CMYA5: variants seen among roughly 807,000 people sequenced by gnomAD.
CMYA5 encodes cardiomyopathy associated 5.
A neutral mutation model predicts 318.9 loss-of-function variants in CMYA5; 246 were observed. The ratio of observed to expected loss-of-function variants is 0.77; its 90% confidence interval spans 0.70 to 0.86. The LOEUF (loss-of-function observed/expected upper bound fraction) is 0.86, where lower values mean the gene tolerates loss of function less well. Ranked by LOEUF, CMYA5 falls within the 40% of genes least tolerant of loss-of-function variation. The pLI is 0.00. For missense variants in CMYA5, 4,589 were observed against 4,678.2 expected (o/e 0.98, Z 0.56); for synonymous variants, 1,641 against 1,729.5 (o/e 0.95, Z 1.27).
At chr5:79,770,234 T>C (rs1828828916) in intron 9 of CMYA5, among the ~76,000 whole-genome samples, 1 of 152,222 alleles carries the variant, frequency 6.6e-6, no homozygotes, top group South Asian at 2.1e-4. Flanking sequence ...CTTAGCTTGC[T>C]GGGCTCCTTG....
Position 79,730,551 on chromosome 5 carries a change from T to A in CMYA5, c.1786T>A (p.Ser596Thr), listed in dbSNP as rs1199949622. 8.7e-6 allele frequency: 14 copies of A among 1,613,980 alleles called. No individual in the cohort carries two copies. Among genetic ancestry groups the A allele is most frequent in the Non-Finnish European group, 1.2e-5 (14 of 1,179,882 alleles). Residue 596 changes from serine to threonine, a missense_variant, in exon 2 of 13, where the codon TCA becomes ACA. Physicochemically the swap from Ser to Thr is moderately conservative, Grantham distance 58 (BLOSUM62 1). This residue lies in a region of CMYA5 where 2,132 missense variants were observed against 2,131.3 expected (regional missense o/e 1.00). Transcript: ENST00000446378. ...TGTTTCTACTGGTTCTGCTTTTGTA[T>A]CAGAGTATTCAGTACCACAGGATTT... ...ASVSTGSAFVSEYSVPQDLNH... is the reference protein window; with the variant it reads ...ASVSTGSAFVTEYSVPQDLNH...
chr5:79,745,151 T>G (rs897741332), intron 3 of CMYA5, 71 bp from the exon 4 acceptor site: 1 of 959,356 alleles, frequency 1.0e-6, no homozygotes, highest in African/African-American at 1.9e-5. Context: ...AGGCTGGTGT[T>G]TCCAAAAAAA....
In CMYA5 at chr5:79,738,959, A is replaced by T; in HGVS notation, c.10194A>T (p.Glu3398Asp). Residue 3398 changes from glutamate to aspartate, a missense_variant, in exon 2 of 13, where the codon GAA becomes GAT. Physicochemically the swap from Glu to Asp is conservative, Grantham distance 45. Around this residue, in one of 3 missense-constraint regions of CMYA5, gnomAD observed 2,431 missense variants for 2,495.1 expected, o/e 0.97. Transcript: ENST00000446378. The part of the protein sequence containing the change: ...ATHVQETSLE[E>D]PKILVPPEPS... The stretch of plus-strand genomic sequence containing the variant: ...ATGTTCAAGAAACATCACTAGAAGA[A>T]CCTAAAATCCTGGTCCCACCTGAGC... 1 of 1,613,836 alleles carries T rather than the reference A, an allele frequency of 6.2e-7. No individual in the cohort carries two copies. Among genetic ancestry groups the T allele is most frequent in the East Asian group, 2.2e-5 (1 of 44,872 alleles).
In CMYA5 at chr5:79,739,007, T is replaced by C. The variant is rs1349245584; in HGVS notation, c.10242T>C (p.Asn3414=). The change falls in exon 2 of 13, where the codon AAT becomes AAC. Residue 3414 remains asparagine, a synonymous_variant. Transcript: ENST00000446378. ...PPEPSEERLR[N]SPVQDEYEFT... ...AGCCAAGTGAAGAGAGGCTCCGTAA[T>C]AGCCCTGTTCAGGATGAGTATGAAT... The C allele has an allele frequency of 3.1e-6, 5 of 1,613,878 alleles. No individual in the cohort carries two copies. The Admixed American group carries it at 6.7e-5, about 22-fold the overall frequency.
Position 79,738,807 on chromosome 5 carries a change from G to A in CMYA5, c.10042G>A (p.Val3348Ile). Residue 3348 changes from valine to isoleucine, a missense_variant, in exon 2 of 13, where the codon GTT becomes ATT. Transcript: ENST00000446378. ...GGTTCCATTTGAAGACACCCATCAT[G>A]TTCTGGAGCGTGCAGATGAAGCAGG... Reference protein sequence around the residue: ...YAVPFEDTHHVLERADEAGSH... With the variant: ...YAVPFEDTHHILERADEAGSH... The A allele has an allele frequency of 6.2e-7, 1 of 1,613,902 alleles. No homozygotes were observed. Among genetic ancestry groups the A allele is most frequent in the Non-Finnish European group, 8.5e-7 (1 of 1,179,848 alleles).
chr5:79,785,454 G>A (rs1329923788), intron 9 of CMYA5, among the ~76,000 whole-genome samples: 2 of 151,900 alleles, frequency 1.3e-5, no homozygotes, highest in East Asian at 3.9e-4. Flanking sequence ...CTTCACTCAA[G>A]TCTTTTTTTG....
chr5:79,710,176 A>G (rs1827362648), intron 1 of CMYA5, among the ~76,000 whole-genome samples: 1 of 152,114 alleles, frequency 6.6e-6, no homozygotes, highest in East Asian at 1.9e-4. Context: ...AAAGATTTGC[A>G]AAAATATAAA....
chr5:79,737,998 T>A lies in CMYA5; in HGVS notation c.9233T>A (p.Val3078Asp). Residue 3078 changes from valine to aspartate, a missense_variant, in exon 2 of 13, where the codon GTT becomes GAT. Val to Asp is a radical substitution (Grantham distance 152). Transcript: ENST00000446378. ...EKQKAPQKLNVEEKLSKEVTE... is the reference protein window; with the variant it reads ...EKQKAPQKLNDEEKLSKEVTE... ...CAGAAAGCTCCACAGAAATTAAATG[T>A]TGAAGAGAAACTCTCAAAGGAAGTT... The A allele has an allele frequency of 6.2e-7, 1 of 1,613,542 alleles. No individual in the cohort carries two copies. Among genetic ancestry groups the A allele is most frequent in the Non-Finnish European group, 8.5e-7 (1 of 1,179,690 alleles).
In CMYA5 at chr5:79,799,860, T is replaced by A; in HGVS notation, c.*244T>A. 3.5e-6 allele frequency: 1 copy of A among 283,470 alleles called. No individual in the cohort carries two copies. The highest frequency in any genetic ancestry group is 8.3e-5 in the South Asian group (1 of 12,000). 17.6% of individuals were successfully genotyped at this position (283,470 alleles called of 1,614,324 possible). A position where few individuals can be genotyped will look rare whatever the true frequency, so the allele number is the denominator to read the frequency against. On this transcript the variant is annotated 3_prime_UTR_variant, in exon 13 of 13. Coordinates refer to ENST00000446378, the MANE Select transcript of CMYA5 (RefSeq NM_153610.5). ...CTTTAGTTTATATAAGTTTGAGTTC[T>A]TTCCTAAATTAAAAGATCTACACTT...
chr5:79,736,236 A>G lies in CMYA5; in HGVS notation c.7471A>G (p.Ile2491Val), dbSNP rs1235441344. Residue 2491 changes from isoleucine to valine, a missense_variant, in exon 2 of 13, where the codon ATA becomes GTA. Transcript: ENST00000446378. ...APLELRDSNE[I>V]GKTQITLGSR... ...ATTAGAGCTTAGAGATAGTAATGAA[A>G]TAGGGAAGACACAAATTACACTTGG... The G allele has an allele frequency of 6.2e-7, 1 of 1,613,524 alleles. No individual in the cohort carries two copies. Among genetic ancestry groups the G allele is most frequent in the African/African-American group, 1.3e-5 (1 of 75,010 alleles).
At chr5:79,707,870 TG>T (rs1827304365) in intron 1 of CMYA5, among the ~76,000 whole-genome samples, 1 of 152,208 alleles carries the variant, frequency 6.6e-6, no homozygotes, top group Non-Finnish European at 1.5e-5. Context: ...CTCAGAGCTC[TG>T]GAGGCTGGGA....
chr5:79,737,935 C>G lies in CMYA5; in HGVS notation c.9170C>G (p.Thr3057Ser). 1 of 1,607,730 alleles carries G rather than the reference C, an allele frequency of 6.2e-7. No homozygotes were observed. The highest frequency in any genetic ancestry group is 8.5e-7 in the Non-Finnish European group (1 of 1,178,490). The stretch of plus-strand genomic sequence containing the variant: ...GAAGAGGATTATTTTGAAAAATATA[C>G]TTTGATTGATTATAACATCTCCCCA... ...PSEEDYFEKY[T>S]LIDYNISPDP... Residue 3057 changes from threonine to serine, a missense_variant, in exon 2 of 13, where the codon ACT (threonine) becomes AGT (serine). Physicochemically the swap from Thr to Ser is moderately conservative, Grantham distance 58. This residue lies in a region of CMYA5 where 2,431 missense variants were observed against 2,495.1 expected (regional missense o/e 0.97). Transcript: ENST00000446378.
In CMYA5 at chr5:79,698,178, G is replaced by A. The variant is rs369433744; in HGVS notation, c.149+8122G>A. Among the ~76,000 whole-genome samples the A allele has an allele frequency of 2.8e-3, 432 of 152,244 alleles. 5 individuals carry two copies. Among genetic ancestry groups the A allele is most frequent in the Middle Eastern group, 6.8e-3 (2 of 294 alleles). On this transcript the variant is annotated intron_variant, in intron 1 of 12. Transcript: ENST00000446378. The stretch of plus-strand genomic sequence containing the variant: ...ATTTATTTTTTCCAAGAGGACATGA[G>A]AAGAGATTGAGACAACTGACTTCGG...
intron 9 of CMYA5, among the ~76,000 whole-genome samples, chr5:79,785,405 A>G (rs1829065663): frequency 6.6e-6 from 1 of 151,902 alleles, no homozygotes; most frequent in African/African-American, 2.4e-5. Flanking sequence ...AATTTTTATG[A>G]TGTTGCATTT....
Position 79,733,974 on chromosome 5 carries a change from A to T in CMYA5, c.5209A>T (p.Asn1737Tyr), listed in dbSNP as rs1458339976. ...EPPASVAEGG[N>Y]PEEFQPFTFS... Reference sequence around the variant, plus strand: ...ACCTGCCTCTGTAGCTGAAGGAGGCAACCCAGAAGAATTTCAGCCATTTAC... The same window carrying T: ...ACCTGCCTCTGTAGCTGAAGGAGGCTACCCAGAAGAATTTCAGCCATTTAC... Residue 1737 changes from asparagine to tyrosine, a missense_variant, in exon 2 of 13, where the codon AAC (asparagine) becomes TAC (tyrosine). Coordinates refer to ENST00000446378, the MANE Select transcript of CMYA5 (RefSeq NM_153610.5). 1.2e-6 allele frequency: 2 copies of T among 1,613,644 alleles called. No homozygotes were observed. The highest frequency in any genetic ancestry group is 4.5e-5 in the East Asian group (2 of 44,870).
In CMYA5 at chr5:79,729,171, C is replaced by T. The variant is rs1310835352; in HGVS notation, c.406C>T (p.His136Tyr). 1 of 1,612,750 alleles carries T rather than the reference C, an allele frequency of 6.2e-7. No homozygotes were observed. Among genetic ancestry groups the T allele is most frequent in the Non-Finnish European group, 8.5e-7 (1 of 1,179,532 alleles). Residue 136 changes from histidine to tyrosine, a missense_variant, in exon 2 of 13, where the codon CAT (histidine) becomes TAT (tyrosine). By Grantham distance (83) the His-to-Tyr change is moderately conservative. Coordinates refer to ENST00000446378, the MANE Select transcript of CMYA5 (RefSeq NM_153610.5). ...DEVKKVRKRTHKSKHGSPSLR... is the reference protein window; with the variant it reads ...DEVKKVRKRTYKSKHGSPSLR... ...AGTGAAAAAGGTTCGGAAAAGGACT[C>T]ATAAGTCAAAGCATGGTTCACCATC...
intron 6 of CMYA5, among the ~76,000 whole-genome samples, chr5:79,758,089 G>T (rs754486282): frequency 6.6e-6 from 1 of 152,136 alleles, no homozygotes; most frequent in Admixed American, 6.5e-5. Flanking sequence ...AATTAGCCAG[G>T]TGTGGTGGTG....
chr5:79,702,962 G>A (rs912151418), intron 1 of CMYA5, among the ~76,000 whole-genome samples: 9 of 152,056 alleles, frequency 5.9e-5, no homozygotes, highest in Non-Finnish European at 1.0e-4. Flanking sequence ...CTCTCAAGTC[G>A]GTCTAAAAAC....
At chr5:79,777,019 C>T (rs1307852290) in intron 9 of CMYA5, among the ~76,000 whole-genome samples, 1 of 152,168 alleles carries the variant, frequency 6.6e-6, no homozygotes, top group Non-Finnish European at 1.5e-5. Context: ...ATACTCCTTT[C>T]CTTTTTTTCC....
Sources: gnomAD v4.1 joint callset for allele counts (sites outside exome capture counted in the v4.1 genomes callset) on GRCh38, gnomAD v4.1.1 for gene constraint, gnomAD v4.1.1 regional missense constraint, MANE v1.5 for transcripts, NCBI Gene and HGNC (gene_info 2026-07-23, HGNC 2026-07-21) for gene names.